ACSS1: variants seen among roughly 807,000 people sequenced by gnomAD.
ACSS1 encodes acyl-CoA synthetase short chain family member 1, also known as acetyl-coenzyme A synthetase 2-like, mitochondrial.
ACSS1 carries 42 observed loss-of-function variants against 75.3 expected under a neutral mutation model. The ratio of observed to expected loss-of-function variants is 0.56; its 90% CI spans 0.44 to 0.72. The LOEUF (loss-of-function observed/expected upper bound fraction) is 0.72, where lower values mean the gene tolerates loss of function less well. Among genes scored for constraint, ACSS1 ranks in the 30% least tolerant of loss-of-function variants. The probability of loss-of-function intolerance (pLI) is 0.00; values close to 1 mark genes in which losing one functional copy is unlikely to be tolerated. For synonymous variants in ACSS1, 380 were observed against 376.8 expected, an observed-to-expected ratio of 1.01 and a Z score of -0.10; for missense variants, 782 against 935.7, an observed-to-expected ratio of 0.84 and a Z score of 2.14.
chr20:25,022,324 G>GCACTCTAAC (rs2088637334), intron 5 of ACSS1, among the ~76,000 whole-genome samples: 2 of 152,122 alleles, frequency 1.3e-5, no homozygotes, highest in Non-Finnish European at 2.9e-5. Context: ...TCACACCACT[G>GCACTCTAAC]CACTCTAACC....
intron 2 of ACSS1, 35 bp from the exon 3 acceptor site, chr20:25,030,993 GA>G: frequency 1.9e-6 from 3 of 1,606,994 alleles, no homozygotes; most frequent in African/African-American, 1.3e-5. Flanking sequence ...ATCAGAGATG[GA>G]GGAGGGCCAA....
At chr20:25,022,806 C>T in intron 5 of ACSS1, 134 bp downstream of exon 5, 2 of 1,279,492 alleles carry the variant, frequency 1.6e-6, no homozygotes, top group Non-Finnish European at 2.1e-6. Flanking sequence ...TCGAGGGGGC[C>T]CTGCCCCGAA....
chr20:25,044,989 T>C (rs938751828), intron 2 of ACSS1, among the ~76,000 whole-genome samples: 7 of 152,308 alleles, frequency 4.6e-5, no homozygotes, highest in South Asian at 2.1e-4. Context: ...GAGGGGGTCC[T>C]CCTCTCCAAG....
chr20:25,016,305 G>T (rs1267050835), intron 7 of ACSS1, among the ~76,000 whole-genome samples: 1 of 152,202 alleles, frequency 6.6e-6, no homozygotes, highest in Non-Finnish European at 1.5e-5. Context: ...GGCCTCTGGG[G>T]ACTAGGAATT....
chr20:25,014,660 A>AG (rs1189939123), intron 8 of ACSS1, among the ~76,000 whole-genome samples: 1 of 152,218 alleles, frequency 6.6e-6, no homozygotes, highest in Non-Finnish European at 1.5e-5. Flanking sequence ...ACCCAAGAGA[A>AG]GGGGGGACAA....
At chr20:25,031,953 C>T (rs377155214) in intron 2 of ACSS1, among the ~76,000 whole-genome samples, 11 of 152,196 alleles carry the variant, frequency 7.2e-5, no homozygotes, top group African/African-American at 2.2e-4. Flanking sequence ...CCAGATAGGG[C>T]GGACTCCAGC....
intron 8 of ACSS1, 119 bp downstream of exon 8, chr20:25,015,019 G>C (rs191244325): frequency 1.1e-5 from 9 of 801,872 alleles, no homozygotes; most frequent in East Asian, 8.4e-5. Flanking sequence ...CCGCAGTCTC[G>C]GGCGTTGAAG....
At chr20:25,030,182 G>A (rs2088797754) in intron 3 of ACSS1, among the ~76,000 whole-genome samples, 1 of 152,194 alleles carries the variant, frequency 6.6e-6, no homozygotes, top group Admixed American at 6.5e-5. Context: ...ACTCCCTCTA[G>A]GAGACAGCAG....
chr20:25,038,957 C>T (rs1417103933), intron 2 of ACSS1, among the ~76,000 whole-genome samples: 2 of 152,166 alleles, frequency 1.3e-5, no homozygotes, highest in Non-Finnish European at 2.9e-5. Flanking sequence ...AGGCCCATGG[C>T]CTCCTACCTC....
chr20:25,031,193 C>T, intron 2 of ACSS1: 1 of 621,280 alleles, frequency 1.6e-6, no homozygotes, highest in African/African-American at 1.8e-5. Context: ...GGTGACAAGG[C>T]TATCCTTAAG....
rs1002116877 is a variant in ACSS1 at position 25,013,412 on chromosome 20, C to T, written c.1579+124G>A. 9 of 1,307,724 alleles carry T rather than the reference C, an allele frequency of 6.9e-6. No homozygotes were observed. In the African/African-American group the frequency reaches 7.4e-5, roughly 11 times the overall value. The allele number at this position is 1,307,724 out of a possible 1,614,324, so 81.0% of individuals were successfully genotyped here. A position where few individuals can be genotyped will look rare whatever the true frequency, so the allele number is the denominator to read the frequency against. ...GGGGTGCGGAGTCAAACTCTGGCCT[C>T]GCGAGCACCTATTCCTGGCCACAGT... On this transcript the variant is annotated intron_variant, in intron 10 of 13. Transcript: ENST00000323482.
At chr20:25,043,229 C>T (rs893998045) in intron 2 of ACSS1, among the ~76,000 whole-genome samples, 2 of 152,226 alleles carry the variant, frequency 1.3e-5, no homozygotes, top group Non-Finnish European at 2.9e-5. Context: ...ACAAAGCCTT[C>T]TCCACCTAAG....
chr20:25,045,091 A>G (rs2089065179), intron 2 of ACSS1, among the ~76,000 whole-genome samples: 1 of 152,250 alleles, frequency 6.6e-6, no homozygotes, highest in South Asian at 2.1e-4. Context: ...AATAAATAGC[A>G]GCTACATCAT....
chr20:25,036,188 G>T (rs1172486929), intron 2 of ACSS1, among the ~76,000 whole-genome samples: 1 of 152,188 alleles, frequency 6.6e-6, no homozygotes, highest in Non-Finnish European at 1.5e-5. Context: ...GTACTCTGCC[G>T]GGTCAAGCTT....
chr20:25,019,892 C>A (rs893229810), intron 7 of ACSS1, 118 bp downstream of exon 7: 2 of 1,445,210 alleles, frequency 1.4e-6, no homozygotes, highest in Non-Finnish European at 1.9e-6. Context: ...TCTGGCATTG[C>A]GTGAATTCAC....
At chr20:25,035,077 A>C (rs1213890606) in intron 2 of ACSS1, among the ~76,000 whole-genome samples, 2 of 151,642 alleles carry the variant, frequency 1.3e-5, no homozygotes, top group East Asian at 2.0e-4. Context: ...TTGTATTTTT[A>C]GTAGAGACGG....
At chr20:25,029,717 A>G (rs979909054) in intron 3 of ACSS1, among the ~76,000 whole-genome samples, 1 of 152,236 alleles carries the variant, frequency 6.6e-6, no homozygotes, top group Non-Finnish European at 1.5e-5. Flanking sequence ...TAAAGTGTAC[A>G]TTTTGAGTGA....
At chr20:25,039,451 T>C (rs576792859) in intron 2 of ACSS1, among the ~76,000 whole-genome samples, 111 of 152,366 alleles carry the variant, frequency 7.3e-4, no homozygotes, top group African/African-American at 2.6e-3. Flanking sequence ...AACCTGAGGC[T>C]GATTCTCATT....
intron 7 of ACSS1, among the ~76,000 whole-genome samples, chr20:25,015,914 A>C (rs547092311): frequency 6.6e-6 from 1 of 152,212 alleles, no homozygotes; most frequent in African/African-American, 2.4e-5. Context: ...GGCAGAATCT[A>C]CTACAGCTAA....
Sources: gnomAD v4.1 joint callset for allele counts (sites outside exome capture counted in the v4.1 genomes callset) on GRCh38, gnomAD v4.1.1 for gene constraint, MANE v1.5 for transcripts, NCBI Gene and HGNC (gene_info 2026-07-23, HGNC 2026-07-21) for gene names.